TMEM63A: variants seen among roughly 807,000 people sequenced by gnomAD.
TMEM63A encodes the protein transmembrane protein 63A, also known as mechanosensitive cation channel TMEM63A.
TMEM63A carries 76 observed loss-of-function variants against 100.6 expected under a neutral mutation model. That is an observed-to-expected ratio of 0.76 (90% CI 0.63 to 0.91). The LOEUF (loss-of-function observed/expected upper bound fraction) is 0.91. Ranked by LOEUF, TMEM63A falls within the 40% of genes least tolerant of loss-of-function variation. The pLI is 0.00. For missense variants in TMEM63A, 876 were observed against 1,008.8 expected (o/e 0.87, Z 1.78); for synonymous variants, 401 against 401.1 (o/e 1.00, Z 0.00).
chr1:225,870,352 G>GA (rs34918009), intron 6 of TMEM63A, among the ~76,000 whole-genome samples: 119,146 of 140,958 alleles, frequency 0.85, 50,626 homozygotes, highest in Non-Finnish European at 0.9. Flanking sequence ...AACTCGGTCT[G>GA]AAAAAAAAAA....
At chr1:225,863,338 C>T (rs1670038559) in intron 10 of TMEM63A, among the ~76,000 whole-genome samples, 1 of 152,158 alleles carries the variant, frequency 6.6e-6, no homozygotes, top group African/African-American at 2.4e-5. Flanking sequence ...TGAGTCACTG[C>T]ACCCCGCTAG....
chr1:225,878,265 A>G (rs75630192), intron 2 of TMEM63A, among the ~76,000 whole-genome samples: 1,984 of 152,260 alleles, frequency 0.013, 42 homozygotes, highest in African/African-American at 0.045. Flanking sequence ...CCCAAACCCA[A>G]TATCCTGACT....
Position 225,847,179 on chromosome 1 carries a change from G to A in TMEM63A, c.2285C>T (p.Ser762Leu), listed in dbSNP as rs780727416. The change falls in exon 24 of 25, where the codon TCG becomes TTG. Residue 762 changes from serine to leucine, a missense_variant. Ser to Leu is a moderately radical substitution (Grantham distance 145). This residue lies in a region of TMEM63A where 339 missense variants were observed against 342.3 expected (regional missense o/e 0.99). Coordinates refer to ENST00000366835, the MANE Select transcript of TMEM63A (RefSeq NM_014698.3). ...YVPRILNGLA[S>L]ERTALSPQQQ... ...CTGCGGAGACAGTGCTGTCCTCTCC[G>A]AGGCCAAGCCGTTCAGAATCCGAGG... The A allele has an allele frequency of 8.1e-6, 13 of 1,613,242 alleles. No individual in the cohort carries two copies. Among genetic ancestry groups the A allele is most frequent in the South Asian group, 3.3e-5 (3 of 91,088 alleles).
At position 225,862,130 on chromosome 1, in the gene TMEM63A, G is replaced by A; in HGVS notation, c.1085+88C>T. ...AAATCCCAGGGATGGTGGGTCAGCA[G>A]TACCATCTCCACTCGAGAGGGACAG... On this transcript the variant is annotated intron_variant, in intron 13 of 24. Transcript: ENST00000366835. This position sits in a 1 kb window ranked among gnomAD's most constrained non-coding sequence, Gnocchi z 5.1. The A allele has an allele frequency of 6.4e-7, 1 of 1,555,106 alleles. No individual in the cohort carries two copies.
Position 225,877,475 on chromosome 1 carries a change from C to G in TMEM63A, c.106G>C (p.Ala36Pro). The G allele has an allele frequency of 6.2e-7, 1 of 1,614,138 alleles. No homozygotes were observed. Among genetic ancestry groups the G allele is most frequent in the South Asian group, 1.1e-5 (1 of 91,076 alleles). Residue 36 changes from alanine to proline, a missense_variant, in exon 3 of 25, where the codon GCC (alanine) becomes CCC (proline). By Grantham distance (27) the Ala-to-Pro change is conservative. Coordinates refer to ENST00000366835, the MANE Select transcript of TMEM63A (RefSeq NM_014698.3). ...CCCTGGAGCACGGTGCTGTTTTTGGCCGAGTTGTAGCAATAGGAGTCGTTG... is the reference window on the plus strand; with the variant it reads ...CCCTGGAGCACGGTGCTGTTTTTGGGCGAGTTGTAGCAATAGGAGTCGTTG... ...RPNDSYCYNS[A>P]KNSTVLQGVT...
Position 225,856,941 on chromosome 1 carries a change from T to C in TMEM63A, c.1454A>G (p.Tyr485Cys), listed in dbSNP as rs2102609668. The change falls in exon 16 of 25, where the codon TAC (tyrosine) becomes TGC (cysteine). Residue 485 changes from tyrosine to cysteine, a missense_variant. Coordinates refer to ENST00000366835, the MANE Select transcript of TMEM63A (RefSeq NM_014698.3). ...FSALLPSIVY[Y>C]STLLESHWTK... ...CCAGTGAGACTCCAGCAGTGTAGAG[T>C]AGTAGACAATGGAGGGGAGCAGGGC... 6.2e-7 allele frequency: 1 copy of C among 1,606,118 alleles called. No individual in the cohort carries two copies. The highest frequency in any genetic ancestry group is 8.5e-7 in the Non-Finnish European group (1 of 1,177,934).
At chr1:225,874,930 C>T (rs1670702669) in intron 3 of TMEM63A, among the ~76,000 whole-genome samples, 1 of 152,202 alleles carries the variant, frequency 6.6e-6, no homozygotes, top group Non-Finnish European at 1.5e-5. Flanking sequence ...GACAGGGTTT[C>T]ACCATATTGG....
At chr1:225,844,745 A>AG, downstream of TMEM63A, 1 of 1,480,050 alleles carries the variant, frequency 6.8e-7, no homozygotes, top group Non-Finnish European at 9.1e-7. Flanking sequence ...CAGGTGCCCC[A>AG]GGGGCCCTTG....
At chr1:225,855,853 C>T (rs749404096) in intron 18 of TMEM63A, 25 bp downstream of exon 18, 1 of 1,613,140 alleles carries the variant, frequency 6.2e-7, no homozygotes, top group Non-Finnish European at 8.5e-7. Context: ...GCCATGGCTC[C>T]AGAACTCAAC....
At chr1:225,872,604 C>T (rs1206476672) in intron 4 of TMEM63A, among the ~76,000 whole-genome samples, 1 of 151,834 alleles carries the variant, frequency 6.6e-6, no homozygotes, top group Non-Finnish European at 1.5e-5. Context: ...TTAATCAGAT[C>T]CTTTCTTGCG....
rs756322416 is a variant in TMEM63A at position 225,862,420 on chromosome 1, T to C, written c.951+35A>G. ...GGTATCTGGGGCACCCCGATGCCAA[T>C]GCCTCTGCTCCCAGCCGGGGGGTGG... On this transcript the variant is annotated intron_variant, in intron 12 of 24. Coordinates refer to ENST00000366835, the MANE Select transcript of TMEM63A (RefSeq NM_014698.3). The surrounding 1 kb of genome is among the most constrained non-coding windows in gnomAD (Gnocchi z 5.1). The C allele has an allele frequency of 4.2e-5, 68 of 1,613,874 alleles. No individual in the cohort carries two copies. Among genetic ancestry groups the C allele is most frequent in the Middle Eastern group, 3.3e-4 (2 of 6,056 alleles).
intron 15 of TMEM63A, among the ~76,000 whole-genome samples, chr1:225,858,479 C>T (rs993816101): frequency 2.3e-4 from 35 of 152,028 alleles, no homozygotes; most frequent in African/African-American, 7.7e-4. Flanking sequence ...CGCCCACCAA[C>T]ACGCCCAGCT....
In TMEM63A at chr1:225,862,150, G is replaced by A; in HGVS notation, c.1085+68C>T. The A allele has an allele frequency of 6.3e-7, 1 of 1,594,578 alleles. No individual in the cohort carries two copies. Among genetic ancestry groups the A allele is most frequent in the Non-Finnish European group, 8.6e-7 (1 of 1,168,436 alleles). On this transcript the variant is annotated intron_variant, in intron 13 of 24. Transcript: ENST00000366835. The surrounding 1 kb of genome is among the most constrained non-coding windows in gnomAD (Gnocchi z 5.1). ...CAGCAGTACCATCTCCACTCGAGAG[G>A]GACAGTGAGTTATCTGGAGGGGAAC...
chr1:225,862,200 G>A lies in TMEM63A; in HGVS notation c.1085+18C>T, dbSNP rs767312936. Reference sequence around the variant, plus strand: ...CAGGGAGTCAGCCAAGAAGGGGTCTGGATGTGCCTACACTCACTAGGTGGC... The same window carrying A: ...CAGGGAGTCAGCCAAGAAGGGGTCTAGATGTGCCTACACTCACTAGGTGGC... On this transcript the variant is annotated intron_variant, in intron 13 of 24. Coordinates refer to ENST00000366835, the MANE Select transcript of TMEM63A (RefSeq NM_014698.3). This position sits in a 1 kb window ranked among gnomAD's most constrained non-coding sequence, Gnocchi z 5.1. 6.2e-7 allele frequency: 1 copy of A among 1,613,214 alleles called. No homozygotes were observed.
intron 8 of TMEM63A, 155 bp from the exon 9 acceptor site, chr1:225,866,837 C>T (rs1670239290): frequency 1.4e-6 from 1 of 719,784 alleles, no homozygotes; most frequent in Admixed American, 2.3e-5. Flanking sequence ...GGCCAGCACC[C>T]CTCAGCCCAC....
At chr1:225,844,467 G>A, downstream of TMEM63A, 2 of 1,614,060 alleles carry the variant, frequency 1.2e-6, no homozygotes, top group Non-Finnish European at 1.7e-6. Context: ...ATGTGGCACT[G>A]AGAGTGGGGC....
chr1:225,870,896 C>A (rs1306234199), intron 6 of TMEM63A, among the ~76,000 whole-genome samples, 180 bp downstream of exon 6: 1 of 152,218 alleles, frequency 6.6e-6, no homozygotes, highest in East Asian at 1.9e-4. Context: ...GCCCCTGACC[C>A]CAGGGGCTGC....
chr1:225,877,355 A>G (rs1330498946), intron 3 of TMEM63A, 40 bp downstream of exon 3: 1 of 1,573,748 alleles, frequency 6.4e-7, no homozygotes, highest in East Asian at 2.3e-5. Flanking sequence ...ATTTAAACAA[A>G]TAACTGAGGC....
intron 6 of TMEM63A, among the ~76,000 whole-genome samples, chr1:225,868,365 CT>C (rs1205395353): frequency 3.3e-5 from 5 of 152,064 alleles, no homozygotes; most frequent in African/African-American, 1.2e-4. Context: ...TGTCCTGCTT[CT>C]AAGAAATCAC....
Sources: allele counts gnomAD v4.1 joint callset (sites outside exome capture counted in the v4.1 genomes callset), GRCh38; gene constraint gnomAD v4.1.1; regional missense constraint gnomAD v4.1.1; non-coding constraint Gnocchi (gnomAD v3.1); transcripts MANE v1.5; gene names NCBI Gene and HGNC (gene_info 2026-07-23, HGNC 2026-07-21).